Variants in TNXB observed in about 807,000 individuals in gnomAD.
TNXB encodes the protein tenascin XB, also known as tenascin-X.
A neutral mutation model predicts 340.5 loss-of-function variants in TNXB; 183 were observed. That is an observed-to-expected ratio of 0.54 (90% confidence interval 0.48 to 0.61). The LOEUF is 0.61. Ranked by LOEUF, TNXB falls within the 20% of genes least tolerant of loss-of-function variation. The pLI, the probability that TNXB is intolerant of heterozygous loss-of-function variation, is 0.00. For missense variants in TNXB, 4,613 were observed against 5,446.4 expected (o/e 0.85, Z 4.82); for synonymous variants, 2,121 against 2,314.5 (o/e 0.92, Z 2.40).
At chr6:32,055,157 A>T (rs1370124432) in intron 24 of TNXB, among the ~76,000 whole-genome samples, 1 of 152,186 alleles carries the variant, frequency 6.6e-6, no homozygotes, top group Non-Finnish European at 1.5e-5. Context: ...GACAGCGTCT[A>T]ATAAAGAGCA....
In TNXB at chr6:32,050,269, C is replaced by T. The variant is rs369075770; in HGVS notation, c.9168G>A (p.Glu3056=). 888 of 1,613,446 alleles carry T rather than the reference C, an allele frequency of 5.5e-4. 5 individuals are homozygous for T. In the African/African-American group the frequency reaches 9.6e-3, roughly 18 times the overall value. ...CCCCCAGGCGAGGCTTGATGGGGGG[C>T]TCAGGGGTCATGGTAGGCACTGCTT... ...TTQAVPTMTP[E]PPIKPRLGEL... Residue 3056 remains glutamate (E), a synonymous_variant, in exon 27 of 44, where the codon GAG becomes GAA. Coordinates refer to ENST00000644971, the MANE Select transcript of TNXB (RefSeq NM_001365276.2).
Position 32,084,700 on chromosome 6 carries a change from T to A in TNXB, c.3158A>T (p.Glu1053Val). Residue 1053 changes from glutamate to valine, a missense_variant, in exon 8 of 44, where the codon GAG (glutamate) becomes GTG (valine). Glu to Val is a moderately radical substitution (Grantham distance 121, BLOSUM62 -2). Coordinates refer to ENST00000644971, the MANE Select transcript of TNXB (RefSeq NM_001365276.2). The surrounding 1 kb of genome is among the most constrained non-coding windows in gnomAD (Gnocchi z 5.5). ...GCCTGAGGACTTCCCAGGCTTCTCC[T>A]CATCCTTGTCTGGAGTTTGAGAGGC... ...IIYQGIMDKD[E>V]EKPGKSSGPP... The A allele has an allele frequency of 6.4e-7, 1 of 1,567,148 alleles. No individual in the cohort carries two copies. Among genetic ancestry groups the A allele is most frequent in the African/African-American group, 1.3e-5 (1 of 74,086 alleles).
Position 32,058,790 on chromosome 6 carries a change from C to A in TNXB, c.7493-400G>T, listed in dbSNP as rs1297714020. Among the ~76,000 whole-genome samples, 1 of 151,836 alleles carries A rather than the reference C, an allele frequency of 6.6e-6. No homozygotes were observed. Among genetic ancestry groups the A allele is most frequent in the Non-Finnish European group, 1.5e-5 (1 of 68,040 alleles). The stretch of plus-strand genomic sequence containing the variant: ...GCAGATGTGTCAGGAACACAAATGA[C>A]CCGTAGAAGATGATTAATTTTGTTA... On this transcript the variant is annotated intron_variant, in intron 21 of 43. Transcript: ENST00000644971. The surrounding 1 kb of genome is among the most constrained non-coding windows in gnomAD (Gnocchi z 5.1).
chr6:32,061,381 T>G lies in TNXB; in HGVS notation c.7492+16A>C, dbSNP rs1777993658. ...GAGGGAAAGGTGGTTACCCCGAGAC[T>G]CCAAGCACTACTCACCAGTCACGCC... is the stretch of plus-strand genomic sequence containing the variant. On this transcript the variant is annotated intron_variant, in intron 21 of 43. Coordinates refer to ENST00000644971, the MANE Select transcript of TNXB (RefSeq NM_001365276.2). This position sits in a 1 kb window ranked among gnomAD's most constrained non-coding sequence, Gnocchi z 4.4. 1.2e-6 allele frequency: 2 copies of G among 1,608,090 alleles called. No individual in the cohort carries two copies. The highest frequency in any genetic ancestry group is 2.2e-5 in the South Asian group (2 of 90,942).
Position 32,096,417 on chromosome 6 carries a change from C to A in TNXB, c.1436G>T (p.Gly479Val). 1 of 1,590,012 alleles carries A rather than the reference C, an allele frequency of 6.3e-7. No homozygotes were observed. Residue 479 changes from glycine (G) to valine (V), a missense_variant, in exon 3 of 44, where the codon GGC becomes GTC. This residue lies in a region of TNXB where 4,327 missense variants were observed against 4,859.4 expected (regional missense o/e 0.89). Transcript: ENST00000644971. Reference protein sequence around the residue: ...DCRGRGRCESGRCMCWPGYTG... With the variant: ...DCRGRGRCESVRCMCWPGYTG... Reference sequence around the variant, plus strand: ...GTACCCCGGCCAACACATGCAGCGGCCACTCTCACAGCGGCCCCGGCCACG... The same window carrying A: ...GTACCCCGGCCAACACATGCAGCGGACACTCTCACAGCGGCCCCGGCCACG...
At position 32,085,802 on chromosome 6, in the gene TNXB, C is replaced by T. The variant is rs1262407101; in HGVS notation, c.3096G>A (p.Gly1032=). 1 of 1,592,082 alleles carries T rather than the reference C, an allele frequency of 6.3e-7. No homozygotes were observed. Among genetic ancestry groups the T allele is most frequent in the Non-Finnish European group, 8.6e-7 (1 of 1,169,146 alleles). Residue 1032 remains glycine (G), a synonymous_variant, in exon 7 of 44, where the codon GGG becomes GGA. Transcript: ENST00000644971. The surrounding 1 kb of genome is among the most constrained non-coding windows in gnomAD (Gnocchi z 6.4). Reference sequence around the variant, plus strand: ...CAGAGGGCTTGCCCCCAGGAGGGACCCCATGAAGTGACAGCTCATACGGGG... The same window carrying T: ...CAGAGGGCTTGCCCCCAGGAGGGACTCCATGAAGTGACAGCTCATACGGGG... ...PGTPYELSLH[G]VPPGGKPSDP... is the part of the protein sequence containing the mutation.
Position 32,084,687 on chromosome 6 carries a change from C to G in TNXB, c.3171G>C (p.Gly1057=). 2 of 1,579,818 alleles carry G rather than the reference C, an allele frequency of 1.3e-6. No homozygotes were observed. The highest frequency in any genetic ancestry group is 2.3e-5 in the South Asian group (2 of 87,758). ...GIMDKDEEKP[G]KSSGPPRLGE... The stretch of plus-strand genomic sequence containing the variant: ...CCAGGCGTGGTGGGCCTGAGGACTT[C>G]CCAGGCTTCTCCTCATCCTTGTCTG... Residue 1057 remains glycine, a synonymous_variant, in exon 8 of 44, where the codon GGG becomes GGC. Coordinates refer to ENST00000644971, the MANE Select transcript of TNXB (RefSeq NM_001365276.2). The surrounding 1 kb of genome is among the most constrained non-coding windows in gnomAD (Gnocchi z 5.5).
In TNXB at chr6:32,046,523, C is replaced by T. The variant is rs756833768; in HGVS notation, c.10325-67G>A. 9.2e-6 allele frequency: 13 copies of T among 1,415,348 alleles called. 1 individual carries two copies. In the Admixed American group the frequency reaches 1.2e-4, roughly 13 times the overall value. 87.7% of individuals were successfully genotyped at this position (1,415,348 alleles called of 1,614,324 possible). On this transcript the variant is annotated intron_variant, in intron 30 of 43. Transcript: ENST00000644971. This position sits in a 1 kb window ranked among gnomAD's most constrained non-coding sequence, Gnocchi z 6.9. ...CTTTGCCTAAGCCCTGGCAGCCTCCCGGAGGTGTGAGGTTCTGGGAAATGG... is the reference window on the plus strand; with the variant it reads ...CTTTGCCTAAGCCCTGGCAGCCTCCTGGAGGTGTGAGGTTCTGGGAAATGG...
In TNXB at chr6:32,106,444, C is replaced by T. The variant is rs1005923934; in HGVS notation, c.-9+2737G>A. On this transcript the variant is annotated intron_variant, in intron 1 of 43. Coordinates refer to ENST00000644971, the MANE Select transcript of TNXB (RefSeq NM_001365276.2). ...GCAGGGTGGGTGTGGAAATGCTGAC[C>T]GGTGAGGAGTGGGGGATGTGTCACT... Among the ~76,000 whole-genome samples, 14 of 152,044 alleles carry T rather than the reference C, an allele frequency of 9.2e-5. No individual in the cohort carries two copies. In the East Asian group the frequency reaches 1.5e-3, roughly 17 times the overall value.
Position 32,069,121 on chromosome 6 carries a change from G to C in TNXB, c.5603C>G (p.Thr1868Arg). Residue 1868 changes from threonine (T) to arginine (R), a missense_variant, in exon 16 of 44, where the codon ACG (threonine) becomes AGG (arginine). Around this residue, in one of 7 missense-constraint regions of TNXB, gnomAD observed 4,327 missense variants for 4,859.4 expected, o/e 0.89. Coordinates refer to ENST00000644971, the MANE Select transcript of TNXB (RefSeq NM_001365276.2). This position sits in a 1 kb window ranked among gnomAD's most constrained non-coding sequence, Gnocchi z 6.2. ...AVAITAGREE[T>R]ETETTAPTPP... ...GGTCGGGGCCGTGGTCTCAGTTTCC[G>C]TTTCTTCCCTGCCGGCTGGTTCACA... 6.2e-7 allele frequency: 1 copy of C among 1,608,194 alleles called. No individual in the cohort carries two copies. The highest frequency in any genetic ancestry group is 2.2e-5 in the East Asian group (1 of 44,844).
rs1200118211 is a variant in TNXB at position 32,087,918 on chromosome 6, T to G, written c.2779+867A>C. On this transcript the variant is annotated intron_variant, in intron 6 of 43. Transcript: ENST00000644971. This position sits in a 1 kb window ranked among gnomAD's most constrained non-coding sequence, Gnocchi z 9.0. ...AAGGGGGCCGTGGGGGCCGCGGGGC[T>G]GGGGCTGGCCGGGGCCGGGACTTGG... 106 of 63,190 alleles carry G rather than the reference T, an allele frequency of 1.7e-3. No homozygotes were observed. The highest frequency in any genetic ancestry group is 0.014 in the Middle Eastern group (2 of 140). 3.9% of individuals were successfully genotyped at this position (63,190 alleles called of 1,614,324 possible).
At position 32,096,944 on chromosome 6, in the gene TNXB, G is replaced by T; in HGVS notation, c.909C>A (p.Gly303=). ...GGCAGCTCCTCACCCCACAGTCCTCGCCAGTGTAGCCGGGGTTACACACGC... is the reference window on the plus strand; with the variant it reads ...GGCAGCTCCTCACCCCACAGTCCTCTCCAGTGTAGCCGGGGTTACACACGC... ...GRCVCNPGYT[G]EDCGVRSCPR... is the part of the protein sequence containing the mutation. The change falls in exon 3 of 44, where the codon GGC becomes GGA. Residue 303 remains glycine, a synonymous_variant. Transcript: ENST00000644971. The T allele has an allele frequency of 6.3e-7, 1 of 1,593,688 alleles. No homozygotes were observed. Among genetic ancestry groups the T allele is most frequent in the Non-Finnish European group, 8.6e-7 (1 of 1,163,422 alleles).
chr6:32,064,787 C>G lies in TNXB; in HGVS notation c.6841+34G>C, dbSNP rs747955581. 4.0e-5 allele frequency: 64 copies of G among 1,595,306 alleles called. No individual in the cohort carries two copies. The highest frequency in any genetic ancestry group is 3.4e-6 in the Non-Finnish European group (4 of 1,170,520). ...AATAAAAGGGAAACTGAGTCTAGTT[C>G]AGGGCAGGGCCCAGTGCCCTACTGC... On this transcript the variant is annotated intron_variant, in intron 19 of 43. Transcript: ENST00000644971. This position sits in a 1 kb window ranked among gnomAD's most constrained non-coding sequence, Gnocchi z 5.3.
At position 32,070,530 on chromosome 6, in the gene TNXB, C is replaced by T. The variant is rs1332936266; in HGVS notation, c.4991-116G>A. 1.8e-6 allele frequency: 2 copies of T among 1,095,358 alleles called. No individual in the cohort carries two copies. The highest frequency in any genetic ancestry group is 1.6e-5 in the African/African-American group (1 of 63,148). The allele number at this position is 1,095,358 out of a possible 1,614,324, so 67.9% of individuals were successfully genotyped here. ...TGCTCAGTGCTTCCCCAAAATATTT[C>T]CATCACCTCCCATCCTCACCACCAT... On this transcript the variant is annotated intron_variant, in intron 13 of 43. Coordinates refer to ENST00000644971, the MANE Select transcript of TNXB (RefSeq NM_001365276.2). This position sits in a 1 kb window ranked among gnomAD's most constrained non-coding sequence, Gnocchi z 6.0.
chr6:32,102,612 G>C (rs1027728366), intron 1 of TNXB, among the ~76,000 whole-genome samples: 11 of 152,164 alleles, frequency 7.2e-5, no homozygotes, highest in Non-Finnish European at 1.3e-4. Flanking sequence ...GAATAATGCC[G>C]TTTATATGAG....
Position 32,089,246 on chromosome 6 carries a change from G to A in TNXB, c.2492C>T (p.Pro831Leu). ...RALRGTSWGL[P>L]ASKTITTMID... ...ACTGGTGGTGATGGTCTTGGAGGCA[G>A]GAAGGCCCCAGCTGGTCCCTCGAAG... Residue 831 changes from proline to leucine, a missense_variant, in exon 5 of 44, where the codon CCT becomes CTT. By Grantham distance (98) the Pro-to-Leu change is moderately conservative. This residue lies in a region of TNXB where 4,327 missense variants were observed against 4,859.4 expected (regional missense o/e 0.89). Transcript: ENST00000644971. The surrounding 1 kb of genome is among the most constrained non-coding windows in gnomAD (Gnocchi z 6.2). 6.2e-7 allele frequency: 1 copy of A among 1,604,498 alleles called. No homozygotes were observed. The highest frequency in any genetic ancestry group is 1.1e-5 in the South Asian group (1 of 89,512).
chr6:32,059,809 T>G (rs564783729), intron 21 of TNXB, among the ~76,000 whole-genome samples: 4 of 152,078 alleles, frequency 2.6e-5, no homozygotes, highest in African/African-American at 9.7e-5. Flanking sequence ...GCACCTCACT[T>G]GGTGCCACAG....
chr6:32,049,825 A>AG lies in TNXB; in HGVS notation c.9439+172dup, dbSNP rs1777154584. The stretch of plus-strand genomic sequence containing the variant: ...AACTCCTGATGGCCCCTCCCTGCTC[A>AG]GGGGGAGCCAGGGGTCAACCACATA... On this transcript the variant is annotated intron_variant, in intron 27 of 43. Transcript: ENST00000644971. The surrounding 1 kb of genome is among the most constrained non-coding windows in gnomAD (Gnocchi z 4.5). Among the ~76,000 whole-genome samples, 1 of 152,098 alleles carries AG rather than the reference A, an allele frequency of 6.6e-6. No homozygotes were observed.
chr6:32,098,458 TTTG>T (rs766760847), intron 1 of TNXB, among the ~76,000 whole-genome samples: 28 of 123,988 alleles, frequency 2.3e-4, no homozygotes, highest in South Asian at 6.1e-4. Context: ...CACTGGTTTT[TTTG>T]TTTTGTTTTG....
Sources: gnomAD v4.1 joint callset for allele counts (sites outside exome capture counted in the v4.1 genomes callset) on GRCh38, gnomAD v4.1.1 for gene constraint, gnomAD v4.1.1 regional missense constraint, Gnocchi (gnomAD v3.1) non-coding constraint, MANE v1.5 for transcripts, NCBI Gene and HGNC (gene_info 2026-07-23, HGNC 2026-07-21) for gene names.